Variants in CACNA2D3 observed in about 807,000 individuals in gnomAD.
CACNA2D3 encodes calcium voltage-gated channel auxiliary subunit alpha2delta 3.
CACNA2D3 carries 60 observed loss-of-function variants against 160.6 expected under a neutral mutation model. The observed-to-expected ratio is 0.37, with a 90% confidence interval of 0.30 to 0.46. CACNA2D3 has a LOEUF of 0.46. Among genes scored for constraint, CACNA2D3 ranks in the 20% least tolerant of loss-of-function variants. CACNA2D3 has a pLI of 1.00. For synonymous variants in CACNA2D3, 558 were observed against 492.9 expected (o/e 1.13, Z -1.75); for missense variants, 1,205 against 1,365.0 (o/e 0.88, Z 1.85).
intron 27 of CACNA2D3, among the ~76,000 whole-genome samples, chr3:54,934,413 T>G (rs1334006598): frequency 6.7e-6 from 1 of 149,994 alleles, no homozygotes; most frequent in Non-Finnish European, 1.5e-5. Flanking sequence ...CTTGTTTTTT[T>G]CTTGCCCTTT....
chr3:54,390,117 G>A (rs1446333361), intron 4 of CACNA2D3, among the ~76,000 whole-genome samples: 1 of 152,190 alleles, frequency 6.6e-6, no homozygotes, highest in East Asian at 1.9e-4. Flanking sequence ...ACAAGGGTTG[G>A]TGGGATGGGG....
At chr3:54,795,085 T>C (rs531480995) in intron 13 of CACNA2D3, among the ~76,000 whole-genome samples, 2 of 152,284 alleles carry the variant, frequency 1.3e-5, no homozygotes, top group African/African-American at 2.4e-5. Context: ...TTTTCAACTT[T>C]TTTTTCTCTG....
At chr3:54,287,781 A>G (rs1483714136) in intron 2 of CACNA2D3, among the ~76,000 whole-genome samples, 12 of 148,978 alleles carry the variant, frequency 8.1e-5, no homozygotes, top group Non-Finnish European at 1.6e-4. Context: ...CTCACTAAAA[A>G]CCGCTCAACT....
chr3:54,569,728 A>G, intron 6 of CACNA2D3, 67 bp from the exon 7 acceptor site: 1 of 1,263,410 alleles, frequency 7.9e-7, no homozygotes, highest in Non-Finnish European at 1.1e-6. Flanking sequence ...AAAGTAGAGC[A>G]GCCTTGAAAT....
chr3:54,867,314 A>G (rs1699424407), intron 17 of CACNA2D3, among the ~76,000 whole-genome samples: 1 of 152,134 alleles, frequency 6.6e-6, no homozygotes, highest in African/African-American at 2.4e-5. Context: ...GGAGAAATCA[A>G]CTGTGCCCAG....
intron 14 of CACNA2D3, among the ~76,000 whole-genome samples, chr3:54,834,763 T>G (rs966647647): frequency 1.3e-5 from 2 of 152,124 alleles, no homozygotes; most frequent in Admixed American, 6.5e-5. Context: ...GGAATTTAGT[T>G]TAAGGAATTG....
At chr3:54,678,919 A>G (rs1484237522) in intron 11 of CACNA2D3, among the ~76,000 whole-genome samples, 2 of 152,160 alleles carry the variant, frequency 1.3e-5, no homozygotes, top group Non-Finnish European at 2.9e-5. Flanking sequence ...TGGAATCCCA[A>G]GGAATTTTGT....
chr3:54,886,765 T>C (rs908014098), intron 23 of CACNA2D3, among the ~76,000 whole-genome samples: 5 of 151,952 alleles, frequency 3.3e-5, no homozygotes, highest in Non-Finnish European at 7.4e-5. Context: ...GTGTATAAAG[T>C]ATATATGTAC....
chr3:55,022,188 A>C (rs1703470625), intron 35 of CACNA2D3, among the ~76,000 whole-genome samples: 1 of 151,310 alleles, frequency 6.6e-6, no homozygotes, highest in Admixed American at 6.6e-5. Flanking sequence ...CTGCCTAAGA[A>C]ATCATTCCTG....
chr3:54,615,748 G>A (rs1698836020), intron 9 of CACNA2D3, among the ~76,000 whole-genome samples: 2 of 152,132 alleles, frequency 1.3e-5, no homozygotes, highest in African/African-American at 2.4e-5. Flanking sequence ...TAAAACAGGG[G>A]TCCCCAACCC....
At chr3:54,984,972 A>G (rs1421005824) in intron 30 of CACNA2D3, among the ~76,000 whole-genome samples, 1 of 152,180 alleles carries the variant, frequency 6.6e-6, no homozygotes, top group Non-Finnish European at 1.5e-5. Context: ...TGTGCCACAT[A>G]AAGAACTTTT....
At chr3:54,646,776 A>G (rs935061133) in intron 11 of CACNA2D3, among the ~76,000 whole-genome samples, 1 of 152,194 alleles carries the variant, frequency 6.6e-6, no homozygotes, top group Non-Finnish European at 1.5e-5. Context: ...TATACCCAGT[A>G]ATGGGATTGC....
At chr3:54,297,745 A>G (rs1195087168) in intron 2 of CACNA2D3, among the ~76,000 whole-genome samples, 1 of 149,936 alleles carries the variant, frequency 6.7e-6, no homozygotes, top group African/African-American at 2.4e-5. Flanking sequence ...AAGAAATGGT[A>G]ACACCACTAA....
chr3:54,279,961 G>A (rs906976962), intron 2 of CACNA2D3, among the ~76,000 whole-genome samples: 13 of 152,156 alleles, frequency 8.5e-5, no homozygotes, highest in African/African-American at 3.1e-4. Context: ...TCAGTGGTAG[G>A]GGCCAGCCTA....
chr3:54,551,548 A>T (rs548288682), intron 5 of CACNA2D3, among the ~76,000 whole-genome samples: 17 of 152,106 alleles, frequency 1.1e-4, no homozygotes, highest in Admixed American at 1.1e-3. Flanking sequence ...ACCAGTGCAG[A>T]TTTGGGTGTA....
chr3:54,949,853 G>A (rs1701712471), intron 27 of CACNA2D3, among the ~76,000 whole-genome samples: 1 of 152,168 alleles, frequency 6.6e-6, no homozygotes, highest in Admixed American at 6.5e-5. Flanking sequence ...AAGCTCATCT[G>A]GCATGCTGTG....
In CACNA2D3 at chr3:55,004,767, A is replaced by T. The variant is rs757843601; in HGVS notation, c.2695A>T (p.Thr899Ser). 2 of 1,611,662 alleles carry T rather than the reference A, an allele frequency of 1.2e-6. No homozygotes were observed. The highest frequency in any genetic ancestry group is 1.3e-5 in the African/African-American group (1 of 74,854). The change falls in exon 32 of 38, where the codon ACC becomes TCC. Residue 899 changes from threonine (T) to serine (S), a missense_variant. Transcript: ENST00000474759. Reference sequence around the variant, plus strand: ...CCTTCCATTTCTTTCCTGTAGAATTACCCTTTATGACTACCAAGCCATGTG... The same window carrying T: ...CCTTCCATTTCTTTCCTGTAGAATTTCCCTTTATGACTACCAAGCCATGTG... ...LLTMGSFKRI[T>S]LYDYQAMCRA...
At chr3:54,815,474 A>G (rs1186345905) in intron 13 of CACNA2D3, among the ~76,000 whole-genome samples, 1 of 152,198 alleles carries the variant, frequency 6.6e-6, no homozygotes, top group Admixed American at 6.5e-5. Context: ...CCAGAGTAAA[A>G]AGAATGGGAA....
At chr3:54,791,729 G>A (rs1458854063) in intron 13 of CACNA2D3, among the ~76,000 whole-genome samples, 1 of 152,114 alleles carries the variant, frequency 6.6e-6, no homozygotes, top group African/African-American at 2.4e-5. Context: ...TGTCTCAAAA[G>A]TAACCAGATT....
Sources: allele counts gnomAD v4.1 joint callset (sites outside exome capture counted in the v4.1 genomes callset), GRCh38; gene constraint gnomAD v4.1.1; transcripts MANE v1.5; gene names NCBI Gene and HGNC (gene_info 2026-07-23, HGNC 2026-07-21).